The following F5 variants were observed in gnomAD, a reference collection of about 807,000 sequenced individuals.
F5 encodes activated protein c cofactor.
In F5, 138 loss-of-function variants were observed where a neutral mutation model predicts 216.4. The observed-to-expected ratio is 0.64, with a 90% CI of 0.56 to 0.73. F5 has a LOEUF of 0.73. Among genes scored for constraint, F5 ranks in the 30% least tolerant of loss-of-function variants. The pLI, the probability that F5 is intolerant of heterozygous loss-of-function variation, is 0.00. For missense variants in F5, 2,403 were observed against 2,674.0 expected, an observed-to-expected ratio of 0.90 and a Z score of 2.24; for synonymous variants, 916 against 930.7, an observed-to-expected ratio of 0.98 and a Z score of 0.29.
intron 3 of F5, among the ~76,000 whole-genome samples, chr1:169,561,861 AACTAC>A (rs1411344779): frequency 6.6e-6 from 1 of 152,028 alleles, no homozygotes; most frequent in Non-Finnish European, 1.5e-5. Context: ...TTACTGAAGC[AACTAC>A]ACTTTTTGAA....
intron 3 of F5, 92 bp from the exon 4 acceptor site, chr1:169,560,858 T>G (rs887120409): frequency 7.5e-5 from 79 of 1,057,180 alleles, no homozygotes; most frequent in Non-Finnish European, 1.1e-4. Flanking sequence ...AGATGAGTTC[T>G]CTGGAGATGC....
intron 3 of F5, 52 bp downstream of exon 3, chr1:169,572,169 A>G: frequency 1.3e-6 from 2 of 1,569,346 alleles, no homozygotes; most frequent in Non-Finnish European, 1.7e-6. Flanking sequence ...TGATGCTGGT[A>G]TTAAAGACTT....
intron 6 of F5, 77 bp from the exon 7 acceptor site, chr1:169,555,424 C>G (rs1660297490): frequency 2.8e-6 from 4 of 1,424,012 alleles, no homozygotes; most frequent in Non-Finnish European, 3.9e-6. Context: ...TCCTTTAAAT[C>G]AACTTGTGGA....
At chr1:169,527,783 A>C in intron 17 of F5, 132 bp downstream of exon 17, 1 of 1,178,826 alleles carries the variant, frequency 8.5e-7, no homozygotes, top group East Asian at 2.5e-5. Flanking sequence ...GGGTTTGCCT[A>C]GGCTCTATGC....
Position 169,513,775 on chromosome 1 carries a change from G to A in F5, c.*538C>T, listed in dbSNP as rs1407840351. On this transcript the variant is annotated 3_prime_UTR_variant, in exon 25 of 25. Coordinates refer to ENST00000367797, the MANE Select transcript of F5 (RefSeq NM_000130.5). ...ACAATTTCAATGGGGCTACTGGAAA[G>A]ATGCTTGGCTGTTTTTTTACTCATG... 6.6e-6 allele frequency among the ~76,000 whole-genome samples: 1 copy of A among 152,134 alleles called. No homozygotes were observed. Among genetic ancestry groups the A allele is most frequent in the African/African-American group, 2.4e-5 (1 of 41,430 alleles).
chr1:169,519,633 C>T (rs927837719), intron 22 of F5, among the ~76,000 whole-genome samples: 1 of 152,158 alleles, frequency 6.6e-6, no homozygotes, highest in Admixed American at 6.5e-5. Context: ...CATTGTGAAT[C>T]ATGGTGGCTT....
intron 1 of F5, among the ~76,000 whole-genome samples, chr1:169,582,919 C>T (rs1159989463): frequency 1.3e-5 from 2 of 152,136 alleles, no homozygotes; most frequent in Non-Finnish European, 2.9e-5. Flanking sequence ...TAGTTTTAAT[C>T]TACTGGGGAA....
chr1:169,515,768 T>C (rs1375938359), intron 23 of F5, 142 bp from the exon 24 acceptor site: 3 of 748,324 alleles, frequency 4.0e-6, no homozygotes, highest in African/African-American at 1.8e-5. Flanking sequence ...TCCTAGAAGC[T>C]TTCCCTCTTT....
In F5 at chr1:169,520,640, A is replaced by C. The variant is rs1659278430; in HGVS notation, c.6073T>G (p.Ser2025Ala). 2 of 1,613,758 alleles carry C rather than the reference A, an allele frequency of 1.2e-6. No individual in the cohort carries two copies. Among genetic ancestry groups the C allele is most frequent in the African/African-American group, 1.3e-5 (1 of 74,942 alleles). The part of the protein sequence containing the change: ...VMYFNGNSDA[S>A]TIKENQFDPP... ...TCAAACTGATTCTCTTTTATTGTAG[A>C]GGCATCTGAATTGCCATTAAAATAC... The change falls in exon 22 of 25, where the codon TCT becomes GCT. Residue 2025 changes from serine to alanine, a missense_variant. Physicochemically the swap from Ser to Ala is moderately conservative, Grantham distance 99. Around this residue, in one of 4 missense-constraint regions of F5, gnomAD observed 659 missense variants for 787.9 expected, o/e 0.84. Transcript: ENST00000367797.
At position 169,550,006 on chromosome 1, in the gene F5, T is replaced by G. The variant is rs749483236; in HGVS notation, c.1406A>C (p.Asn469Thr). ...VNSSFTSGRN[N>T]TMIRAVQPGE... The stretch of plus-strand genomic sequence containing the variant: ...TGGTTGAACTGCTCTGATCATGGTG[T>G]TGTTCCTGCCTGAAAGAAAATATAT... Residue 469 changes from asparagine (N) to threonine (T), a missense_variant, in exon 10 of 25, where the codon AAC becomes ACC. Physicochemically the swap from Asn to Thr is moderately conservative, Grantham distance 65 (BLOSUM62 0). Transcript: ENST00000367797. The G allele has an allele frequency of 1.1e-5, 18 of 1,613,680 alleles. No homozygotes were observed. The highest frequency in any genetic ancestry group is 9.9e-5 in the South Asian group (9 of 91,066).
chr1:169,536,659 A>G lies in F5; in HGVS notation c.4818T>C (p.Ser1606=). 6.2e-7 allele frequency: 1 copy of G among 1,611,810 alleles called. No homozygotes were observed. The highest frequency in any genetic ancestry group is 1.1e-5 in the South Asian group (1 of 91,054). Reference sequence around the variant, plus strand: ...ATGTGGTATCTTCTGGAATATCATCAGAGTCTTCAATATCTGTTTCCCTGA... The same window carrying G: ...ATGTGGTATCTTCTGGAATATCATCGGAGTCTTCAATATCTGTTTCCCTGA... ...FVQRETDIED[S]DDIPEDTTYK... Residue 1606 remains serine (S), a synonymous_variant, in exon 14 of 25, where the codon TCT becomes TCC. Coordinates refer to ENST00000367797, the MANE Select transcript of F5 (RefSeq NM_000130.5).
intron 7 of F5, 29 bp downstream of exon 7, chr1:169,555,153 G>T: frequency 2.5e-6 from 4 of 1,613,498 alleles, no homozygotes; most frequent in South Asian, 1.1e-5. Flanking sequence ...TTGAACCTTT[G>T]CCCAGTGGTA....
chr1:169,538,204 CGTTAT>C (rs1659751280), intron 13 of F5, among the ~76,000 whole-genome samples: 1 of 152,032 alleles, frequency 6.6e-6, no homozygotes, highest in Admixed American at 6.6e-5. Context: ...ACCAGGAGGT[CGTTAT>C]GTTACATAAA....
At chr1:169,580,387 TG>T (rs1212705307) in intron 2 of F5, among the ~76,000 whole-genome samples, 2,827 of 147,466 alleles carry the variant, frequency 0.019, 83 homozygotes, top group African/African-American at 0.067. Context: ...TTGTTGTTGT[TG>T]TTTTTTTTTT....
chr1:169,527,635 T>C (rs892152535), intron 17 of F5, among the ~76,000 whole-genome samples: 3 of 152,152 alleles, frequency 2.0e-5, no homozygotes, highest in African/African-American at 7.2e-5. Context: ...AGACCTCATC[T>C]GTATGACACA....
Position 169,540,511 on chromosome 1 carries a change from G to A in F5, c.4579C>T (p.Pro1527Ser). 7.4e-6 allele frequency: 12 copies of A among 1,613,896 alleles called. No homozygotes were observed. The highest frequency in any genetic ancestry group is 1.0e-5 in the Non-Finnish European group (12 of 1,179,920). ...TCACTGCTCTGGACCTCTTCCTTTG[G>A]AATGATCTCAATGTAATCTGTACCA... Reference protein sequence around the residue: ...KDGTDYIEIIPKEEVQSSEDD... With the variant: ...KDGTDYIEIISKEEVQSSEDD... Residue 1527 changes from proline to serine, a missense_variant, in exon 13 of 25, where the codon CCA becomes TCA. By Grantham distance (74) the Pro-to-Ser change is moderately conservative (BLOSUM62 -1). Coordinates refer to ENST00000367797, the MANE Select transcript of F5 (RefSeq NM_000130.5).
intron 4 of F5, among the ~76,000 whole-genome samples, chr1:169,559,795 GT>G (rs889354595): frequency 6.6e-6 from 1 of 152,086 alleles, no homozygotes; most frequent in African/African-American, 2.4e-5. Context: ...AAGTTTTAAG[GT>G]TTTTTTCAGT....
chr1:169,552,865 G>A (rs1190280273), intron 7 of F5, 131 bp from the exon 8 acceptor site: 2 of 705,266 alleles, frequency 2.8e-6, no homozygotes, highest in Non-Finnish European at 4.8e-6. Context: ...ATTTCTTAGT[G>A]TAGTTTGCAA....
Position 169,527,917 on chromosome 1 carries a change from GGCA to G in F5, c.5594_5596del (p.Leu1865del). 6.2e-7 allele frequency: 1 copy of G among 1,613,292 alleles called. No homozygotes were observed. The highest frequency in any genetic ancestry group is 8.5e-7 in the Non-Finnish European group (1 of 1,179,670). On this transcript the variant is annotated inframe_deletion, in exon 17 of 25. Coordinates refer to ENST00000367797, the MANE Select transcript of F5 (RefSeq NM_000130.5). Reference sequence around the variant, plus strand: ...TCTTCCCATTACCCAATCTTTACCAGGCAGAAGGGGCCAGACCCCTAACTGGTG... The same window carrying G: ...TCTTCCCATTACCCAATCTTTACCAGGAAGGGGCCAGACCCCTAACTGGTG...
Sources: gnomAD v4.1 joint callset for allele counts (sites outside exome capture counted in the v4.1 genomes callset) on GRCh38, gnomAD v4.1.1 for gene constraint, gnomAD v4.1.1 regional missense constraint, MANE v1.5 for transcripts, NCBI Gene and HGNC (gene_info 2026-07-23, HGNC 2026-07-21) for gene names.